CLEC4A: variants seen among roughly 807,000 people sequenced by gnomAD.
CLEC4A encodes the protein C-type (calcium dependent, carbohydrate-recognition domain) lectin, superfamily member 6.
CLEC4A carries 27 observed loss-of-function variants against 32.7 expected under a neutral mutation model. The observed-to-expected ratio is 0.83, with a 90% CI of 0.61 to 1.14. The LOEUF (loss-of-function observed/expected upper bound fraction) is 1.14. Ranked by LOEUF, CLEC4A falls within the 50% of genes most tolerant of loss-of-function variation. CLEC4A has a pLI of 0.00. For missense variants in CLEC4A, 253 were observed against 274.6 expected, an observed-to-expected ratio of 0.92 and a Z score of 0.55; for synonymous variants, 89 against 93.7, an observed-to-expected ratio of 0.95 and a Z score of 0.29.
the CLEC4A span, among the ~76,000 whole-genome samples, chr12:8,103,373 G>GTTTTTTTTTTTTTTTTTTTTTTTTTTTT: frequency 2.0e-3 from 153 of 78,020 alleles, 36 homozygotes; most frequent in Admixed American, 3.8e-3. Flanking sequence ...GTTTCTTTCT[G>GTTTTTTTTTTTTTTTTTTTTTTTTTTTT]TTGTTTTTTT....
At chr12:8,120,410 T>C (rs1392892191), upstream of CLEC4A, among the ~76,000 whole-genome samples, 1 of 152,218 alleles carries the variant, frequency 6.6e-6, no homozygotes, top group Admixed American at 6.5e-5. Flanking sequence ...ACAATCCTAT[T>C]ATTTGGAAAA....
chr12:8,107,816 C>G, the CLEC4A span, among the ~76,000 whole-genome samples: 1 of 133,334 alleles, frequency 7.5e-6, no homozygotes, highest in Non-Finnish European at 1.6e-5. Context: ...GTCTATTAAT[C>G]TTTGTTGTTT....
intron 3 of CLEC4A, chr12:8,134,299 G>A (rs775452656): frequency 8.1e-6 from 13 of 1,611,992 alleles, no homozygotes; most frequent in Non-Finnish European, 1.1e-5. Flanking sequence ...CCTCAAAGCG[G>A]CAGATGGTCG....
In CLEC4A at chr12:8,133,925, A is replaced by G; in HGVS notation, c.299-1660A>G. The G allele has an allele frequency of 3.1e-6, 5 of 1,604,320 alleles. No homozygotes were observed. The South Asian group carries it at 4.5e-5, about 14-fold the overall frequency. ...GGGCCCTGGGGCCAGAGGAAAGGAC[A>G]CTGGTCCCCCTGAGAAAGGAGACCC... On this transcript the variant is annotated intron_variant, in intron 3 of 5. Transcript: ENST00000229332.
intron 2 of CLEC4A, among the ~76,000 whole-genome samples, chr12:8,126,611 G>C (rs951601194): frequency 1.3e-5 from 2 of 152,124 alleles, no homozygotes; most frequent in Admixed American, 6.5e-5. Context: ...TCCATCTACT[G>C]TATGTCAGGC....
At chr12:8,133,594 A>G (rs947564119) in intron 3 of CLEC4A, among the ~76,000 whole-genome samples, 1 of 151,870 alleles carries the variant, frequency 6.6e-6, no homozygotes, top group African/African-American at 2.4e-5. Flanking sequence ...AACATCATTG[A>G]ACTTCACCTT....
At chr12:8,122,835 C>T (rs371869083), upstream of CLEC4A, among the ~76,000 whole-genome samples, 2 of 151,602 alleles carry the variant, frequency 1.3e-5, no homozygotes, top group East Asian at 1.9e-4. Flanking sequence ...TGTGTGCATG[C>T]ATGTATGCAT....
chr12:8,120,097 G>A (rs1428571868), upstream of CLEC4A, among the ~76,000 whole-genome samples: 1 of 152,186 alleles, frequency 6.6e-6, no homozygotes, highest in African/African-American at 2.4e-5. Context: ...GAACTTTAAT[G>A]TGTGATAATA....
chr12:8,133,886 G>A (rs1948043275), intron 3 of CLEC4A: 1 of 1,579,186 alleles, frequency 6.3e-7, no homozygotes, highest in African/African-American at 1.6e-5. Flanking sequence ...CCCATAGCCT[G>A]GGGTACCAAA....
chr12:8,130,891 T>G lies in CLEC4A; in HGVS notation c.298+1529T>G, dbSNP rs116618621. ...TCAGGTTTCCTTAGTGTTCACCTCA[T>G]TTTCTTTTCTGTAATAGGATCCCCA... On this transcript the variant is annotated intron_variant, in intron 3 of 5. Coordinates refer to ENST00000229332, the MANE Select transcript of CLEC4A (RefSeq NM_016184.4). Among the ~76,000 whole-genome samples, 1,108 of 152,276 alleles carry G rather than the reference T, an allele frequency of 7.3e-3. 19 individuals carry two copies. The highest frequency in any genetic ancestry group is 0.025 in the African/African-American group (1,052 of 41,540).
At chr12:8,109,742 T>A in the CLEC4A span, among the ~76,000 whole-genome samples, 3 of 152,070 alleles carry the variant, frequency 2.0e-5, no homozygotes, top group African/African-American at 7.2e-5. Context: ...GTAATTGAAG[T>A]CCCTAGAACA....
intron 3 of CLEC4A, chr12:8,134,334 G>C: frequency 1.2e-6 from 2 of 1,611,742 alleles, no homozygotes; most frequent in South Asian, 1.1e-5. Context: ...TTCCCAAATA[G>C]AACCCCCAGG....
At chr12:8,112,377 C>T in the CLEC4A span, among the ~76,000 whole-genome samples, 1 of 152,138 alleles carries the variant, frequency 6.6e-6, no homozygotes, top group African/African-American at 2.4e-5. Context: ...CTTCCTCCCT[C>T]CCCCAACATT....
In CLEC4A at chr12:8,138,131, C is replaced by A. The variant is rs371269178; in HGVS notation, c.567-9C>A. ...GAAGAAATGCCCTCATCCTTTTTGTCGCTTTCAGATTCTGGCATCCACGTG... is the reference window on the plus strand; with the variant it reads ...GAAGAAATGCCCTCATCCTTTTTGTAGCTTTCAGATTCTGGCATCCACGTG... On this transcript the variant is annotated splice_polypyrimidine_tract_variant and intron_variant, in intron 5 of 5. Transcript: ENST00000229332. The A allele has an allele frequency of 6.2e-7, 1 of 1,610,730 alleles. No individual in the cohort carries two copies. The highest frequency in any genetic ancestry group is 8.5e-7 in the Non-Finnish European group (1 of 1,178,736).
chr12:8,134,924 T>G (rs1294116787), intron 3 of CLEC4A: 1 of 1,412,714 alleles, frequency 7.1e-7, no homozygotes, highest in Non-Finnish European at 9.3e-7. Context: ...TGCTGAAACT[T>G]TCTAGTTTTT....
At chr12:8,115,647 G>T in the CLEC4A span, among the ~76,000 whole-genome samples, 6 of 152,118 alleles carry the variant, frequency 3.9e-5, no homozygotes, top group Non-Finnish European at 7.3e-5. Context: ...GAGTTATATA[G>T]ATCTGAAGAG....
chr12:8,115,050 A>G, the CLEC4A span, among the ~76,000 whole-genome samples: 1 of 152,304 alleles, frequency 6.6e-6, no homozygotes, highest in South Asian at 2.1e-4. Context: ...TGGATTTGCC[A>G]AAGAGGGTTC....
At chr12:8,136,984 A>G in intron 5 of CLEC4A, 81 bp downstream of exon 5, 4 of 860,274 alleles carry the variant, frequency 4.6e-6, no homozygotes, top group Non-Finnish European at 7.5e-6. Flanking sequence ...CAGCTATAAA[A>G]GTAAAATAGC....
At chr12:8,116,863 T>C in the CLEC4A span, among the ~76,000 whole-genome samples, 1 of 152,164 alleles carries the variant, frequency 6.6e-6, no homozygotes, top group Non-Finnish European at 1.5e-5. Flanking sequence ...TTTGTGATGC[T>C]TTGGGCAATA....
Sources: gnomAD v4.1 joint callset for allele counts (sites outside exome capture counted in the v4.1 genomes callset) on GRCh38, gnomAD v4.1.1 for gene constraint, MANE v1.5 for transcripts, NCBI Gene and HGNC (gene_info 2026-07-23, HGNC 2026-07-21) for gene names.